Variants in ASPH observed in about 807,000 individuals in gnomAD.
The protein encoded by ASPH is aspartate beta-hydroxylase, also known as aspartyl/asparaginyl beta-hydroxylase.
A neutral mutation model predicts 118.4 loss-of-function variants in ASPH; 100 were observed. That is an observed-to-expected ratio of 0.84 (90% CI 0.72 to 1.00). The LOEUF is 1.00. Ranked by LOEUF, ASPH falls within the 50% of genes least tolerant of loss-of-function variation. The probability of loss-of-function intolerance (pLI) is 0.00; values close to 1 mark genes in which losing one functional copy is unlikely to be tolerated. For missense variants in ASPH, 920 were observed against 919.5 expected, an observed-to-expected ratio of 1.00 and a Z score of -0.01; for synonymous variants, 315 against 325.6, an observed-to-expected ratio of 0.97 and a Z score of 0.35.
intron 13 of ASPH, among the ~76,000 whole-genome samples, chr8:61,620,310 A>G (rs1285492339): frequency 6.6e-6 from 1 of 152,168 alleles, no homozygotes; most frequent in East Asian, 1.9e-4. Flanking sequence ...AGAGTCCCCA[A>G]AGCTATCAAG....
At chr8:61,607,254 T>G in intron 14 of ASPH, 1 of 702,230 alleles carries the variant, frequency 1.4e-6, no homozygotes, top group Non-Finnish European at 2.6e-6. Flanking sequence ...GGTCAACACA[T>G]GAAAGGATGG....
In ASPH at chr8:61,689,635, A is replaced by G. The variant is rs746148222; in HGVS notation, c.104-5447T>C. The G allele has an allele frequency of 1.9e-6, 3 of 1,554,136 alleles. No individual in the cohort carries two copies. The African/African-American group carries it at 4.1e-5, about 21-fold the overall frequency. On this transcript the variant is annotated intron_variant, in intron 1 of 24. Coordinates refer to ENST00000379454, the MANE Select transcript of ASPH (RefSeq NM_004318.4). ...AATAAAGTGAAAAGCTGTCAGCTAG[A>G]TCTAAAGCCACTTTTAGCCTAAATA...
chr8:61,578,268 C>G, intron 15 of ASPH: 8 of 1,586,166 alleles, frequency 5.0e-6, no homozygotes, highest in Non-Finnish European at 6.9e-6. Context: ...CACCTCTGGC[C>G]CCCGGGCCTT....
At position 61,653,583 on chromosome 8, in the gene ASPH, C is replaced by T. The variant is rs139677107; in HGVS notation, c.400G>A (p.Val134Ile). Residue 134 changes from valine to isoleucine, a missense_variant, in exon 4 of 25, where the codon GTT becomes ATT. Physicochemically the swap from Val to Ile is conservative, Grantham distance 29. Coordinates refer to ENST00000379454, the MANE Select transcript of ASPH (RefSeq NM_004318.4). ...AEPHTEPEEQ[V>I]PVEAEPQNIE... Reference sequence around the variant, plus strand: ...ACAAGCTTACCTGCCTCCACAGGAACCTGCTCCTCGGGCTCAGTGTGTGGC... The same window carrying T: ...ACAAGCTTACCTGCCTCCACAGGAATCTGCTCCTCGGGCTCAGTGTGTGGC... 2 of 1,613,884 alleles carry T rather than the reference C, an allele frequency of 1.2e-6. No individual in the cohort carries two copies. Among genetic ancestry groups the T allele is most frequent in the East Asian group, 4.5e-5 (2 of 44,828 alleles).
intron 3 of ASPH, among the ~76,000 whole-genome samples, chr8:61,667,655 G>A (rs1169691488): frequency 2.0e-5 from 3 of 152,132 alleles, no homozygotes; most frequent in East Asian, 1.9e-4. Flanking sequence ...GTGAGCCACC[G>A]TGCCCGGACA....
At chr8:61,583,108 A>T (rs1254738099) in intron 15 of ASPH, 1 of 152,134 alleles carries the variant, frequency 6.6e-6, no homozygotes, top group East Asian at 1.9e-4. Context: ...TGAAAACTGG[A>T]GGTGCATGAG....
chr8:61,682,489 T>G (rs767812695), intron 2 of ASPH: 1 of 1,612,140 alleles, frequency 6.2e-7, no homozygotes, highest in Admixed American at 1.7e-5. Flanking sequence ...TTTGGCTGCA[T>G]GCATGTAAAA....
In ASPH at chr8:61,644,601, T is replaced by A. The variant is rs751204078; in HGVS notation, c.651A>T (p.Thr217=). 6.3e-7 allele frequency: 1 copy of A among 1,583,368 alleles called. No individual in the cohort carries two copies. Among genetic ancestry groups the A allele is most frequent in the Non-Finnish European group, 8.6e-7 (1 of 1,165,664 alleles). ...ETEHSYHVEE[T]VSQDCNQDME... ...AACAGAATTAAATTAAAATCTCACC[T>A]GTCTCTTCCACGTGGTAACTATGCT... The change falls in exon 7 of 25, where the codon ACA becomes ACT. Residue 217 remains threonine (T), a splice_region_variant and synonymous_variant. Transcript: ENST00000379454.
chr8:61,691,305 G>A (rs898275556), intron 1 of ASPH, among the ~76,000 whole-genome samples: 8 of 152,142 alleles, frequency 5.3e-5, no homozygotes, highest in Admixed American at 3.9e-4. Flanking sequence ...ACCAACATTT[G>A]ATGGTCCAGG....
At position 61,693,605 on chromosome 8, in the gene ASPH, T is replaced by C. The variant is rs1189079019; in HGVS notation, c.104-9417A>G. Among the ~76,000 whole-genome samples, 3 of 151,990 alleles carry C rather than the reference T, an allele frequency of 2.0e-5. No homozygotes were observed. In the South Asian group the frequency reaches 6.3e-4, roughly 32 times the overall value. On this transcript the variant is annotated intron_variant, in intron 1 of 24. Coordinates refer to ENST00000379454, the MANE Select transcript of ASPH (RefSeq NM_004318.4). ...GACAGACTCCCACGGCCACCACCAC[T>C]GGGGAAGGCCACCTCCACATGCAAG... is the stretch of plus-strand genomic sequence containing the variant.
At chr8:61,613,193 T>C (rs984442552) in intron 14 of ASPH, among the ~76,000 whole-genome samples, 3 of 152,204 alleles carry the variant, frequency 2.0e-5, no homozygotes, top group Non-Finnish European at 2.9e-5. Flanking sequence ...TTTAAATCAG[T>C]AGACTTTGAG....
At chr8:61,562,389 CTGTGTG>C (rs150312211) in intron 18 of ASPH, among the ~76,000 whole-genome samples, 8 of 128,994 alleles carry the variant, frequency 6.2e-5, no homozygotes, top group African/African-American at 1.1e-4. Flanking sequence ...GAAAGTGTGT[CTGTGTG>C]TGTGTGTGTG....
At position 61,678,358 on chromosome 8, in the gene ASPH, C is replaced by T. The variant is rs1431794448; in HGVS notation, c.322+2610G>A. On this transcript the variant is annotated intron_variant, in intron 3 of 24. Transcript: ENST00000379454. ...ACAAGGTAGTTTTCAATAATCTGAA[C>T]TACAACAAAAGATACCTATATTTTA... Among the ~76,000 whole-genome samples the T allele has an allele frequency of 2.6e-5, 4 of 151,950 alleles. No homozygotes were observed. In the East Asian group the frequency reaches 7.7e-4, roughly 29 times the overall value.
intron 13 of ASPH, among the ~76,000 whole-genome samples, chr8:61,628,162 C>G (rs1853802023): frequency 6.6e-6 from 1 of 151,416 alleles, no homozygotes; most frequent in African/African-American, 2.4e-5. Context: ...GGCAAAGATC[C>G]AAACTTTTAT....
In ASPH at chr8:61,643,425, C is replaced by T; in HGVS notation, c.718G>A (p.Glu240Lys). 6.2e-7 allele frequency: 1 copy of T among 1,604,026 alleles called. No homozygotes were observed. Residue 240 changes from glutamate (E) to lysine (K), a missense_variant, in exon 9 of 25, where the codon GAA (glutamate) becomes AAA (lysine). Physicochemically the swap from Glu to Lys is moderately conservative, Grantham distance 56. Coordinates refer to ENST00000379454, the MANE Select transcript of ASPH (RefSeq NM_004318.4). Reference sequence around the variant, plus strand: ...AATCTTTCATCTTCTACTACTGGTTCACTGGAATCTAAAAAACAAAAACAC... The same window carrying T: ...AATCTTTCATCTTCTACTACTGGTTTACTGGAATCTAAAAAACAAAAACAC... ...MSEQENPDSSEPVVEDERLHH... is the reference protein window; with the variant it reads ...MSEQENPDSSKPVVEDERLHH...
At chr8:61,584,895 A>T (rs1838866552) in intron 14 of ASPH, among the ~76,000 whole-genome samples, 1 of 152,082 alleles carries the variant, frequency 6.6e-6, no homozygotes, top group African/African-American at 2.4e-5. Flanking sequence ...TTCAACAATA[A>T]GTTCAAAACC....
At chr8:61,606,342 G>A (rs1374037442) in intron 14 of ASPH, 1 of 152,098 alleles carries the variant, frequency 6.6e-6, no homozygotes, top group African/African-American at 2.4e-5. Context: ...GTGATCCTTG[G>A]GGGAGAGGAG....
rs186564920 is a variant in ASPH, at chr8:61,668,674, C to A, written c.322+12294G>T. On this transcript the variant is annotated intron_variant, in intron 3 of 24. Transcript: ENST00000379454. ...TTACTTCACTACTCAATCACACTTG[C>A]CATCCAAAAAAGGATAGCATATTTT... Among the ~76,000 whole-genome samples the A allele has an allele frequency of 3.9e-5, 6 of 152,230 alleles. No individual in the cohort carries two copies. The East Asian group carries it at 1.2e-3, about 29-fold the overall frequency.
intron 14 of ASPH, among the ~76,000 whole-genome samples, chr8:61,606,175 C>A (rs1845527842): frequency 6.6e-6 from 1 of 152,200 alleles, no homozygotes; most frequent in South Asian, 2.1e-4. Context: ...CAGTATGAAT[C>A]AAAGTGACAA....
Sources: gnomAD v4.1 joint callset for allele counts (sites outside exome capture counted in the v4.1 genomes callset) on GRCh38, gnomAD v4.1.1 for gene constraint, MANE v1.5 for transcripts, NCBI Gene and HGNC (gene_info 2026-07-23, HGNC 2026-07-21) for gene names.